The following ZNF516 variants were observed in gnomAD, a reference collection of about 807,000 sequenced individuals.
ZNF516 encodes zinc finger protein 516.
In ZNF516, 19 loss-of-function variants were observed where a neutral mutation model predicts 79.7. The ratio of observed to expected loss-of-function variants is 0.24; its 90% CI spans 0.17 to 0.35. The LOEUF (loss-of-function observed/expected upper bound fraction) is 0.35, where lower values mean the gene tolerates loss of function less well. Ranked by LOEUF, ZNF516 falls within the 10% of genes least tolerant of loss-of-function variation. The pLI, the probability that ZNF516 is intolerant of heterozygous loss-of-function variation, is 1.00. For missense variants in ZNF516, 1,678 were observed against 1,679.5 expected (o/e 1.00, Z 0.02); for synonymous variants, 877 against 739.5 (o/e 1.19, Z -3.02).
At chr18:76,479,888 G>C (rs544285057) in intron 1 of ZNF516, among the ~76,000 whole-genome samples, 5 of 152,282 alleles carry the variant, frequency 3.3e-5, no homozygotes, top group African/African-American at 1.2e-4. Flanking sequence ...TATTAAAAAA[G>C]AGCCCTTTCC....
intron 3 of ZNF516, among the ~76,000 whole-genome samples, chr18:76,417,335 G>A (rs1281311447): frequency 1.3e-5 from 2 of 152,118 alleles, no homozygotes; most frequent in African/African-American, 4.8e-5. Flanking sequence ...ATGAAAGCGT[G>A]GAAACCAAAG....
rs767748092 is a variant in ZNF516, at chr18:76,442,960, G to C, written c.95C>G (p.Thr32Ser). 19 of 1,608,394 alleles carry C rather than the reference G, an allele frequency of 1.2e-5. No homozygotes were observed. Among genetic ancestry groups the C allele is most frequent in the Non-Finnish European group, 1.7e-6 (2 of 1,179,788 alleles). ...GCCGCAGATGCAGCAGGTGTGGCAGGTAGCCTTGTCCCCATCCACCTCGTG... is the reference window on the plus strand; with the variant it reads ...GCCGCAGATGCAGCAGGTGTGGCAGCTAGCCTTGTCCCCATCCACCTCGTG... ...RGHEVDGDKA[T>S]CHTCCICGKS... is the part of the protein sequence containing the mutation. Residue 32 changes from threonine to serine, a missense_variant, in exon 3 of 7, where the codon ACC becomes AGC. By Grantham distance (58) the Thr-to-Ser change is moderately conservative. This residue lies in a region of ZNF516 where 62 missense variants were observed against 58.9 expected (regional missense o/e 1.05). Transcript: ENST00000443185.
intron 1 of ZNF516, among the ~76,000 whole-genome samples, chr18:76,472,366 G>T (rs896656478): frequency 5.3e-5 from 8 of 151,612 alleles, no homozygotes; most frequent in South Asian, 4.2e-4. Flanking sequence ...TTGCACATGT[G>T]TGTGTGCATT....
intron 2 of ZNF516, among the ~76,000 whole-genome samples, 188 bp from the exon 3 acceptor site, chr18:76,443,399 T>A (rs1433740278): frequency 6.6e-6 from 1 of 152,202 alleles, no homozygotes; most frequent in Non-Finnish European, 1.5e-5. Flanking sequence ...ATCACTTAAT[T>A]ATCAATAATG....
At chr18:76,476,801 C>T (rs1914199861) in intron 1 of ZNF516, among the ~76,000 whole-genome samples, 1 of 152,194 alleles carries the variant, frequency 6.6e-6, no homozygotes, top group South Asian at 2.1e-4. Context: ...AACTGAACAA[C>T]TATAAATTTC....
At chr18:76,448,016 A>AAC (rs1912163744) in intron 2 of ZNF516, among the ~76,000 whole-genome samples, 1 of 152,140 alleles carries the variant, frequency 6.6e-6, no homozygotes, top group African/African-American at 2.4e-5. Flanking sequence ...AAACTTAGGT[A>AAC]ACAATCACAT....
intron 1 of ZNF516, among the ~76,000 whole-genome samples, chr18:76,488,443 T>G (rs900250623): frequency 7.0e-6 from 1 of 142,738 alleles, no homozygotes. Flanking sequence ...CCCCGAGCAG[T>G]GAACAAACCC....
At chr18:76,439,645 T>A (rs2075788201) in intron 3 of ZNF516, among the ~76,000 whole-genome samples, 2 of 152,234 alleles carry the variant, frequency 1.3e-5, no homozygotes, top group Admixed American at 1.3e-4. Context: ...TCTTGATTTC[T>A]AAAAGCACTA....
chr18:76,408,313 C>T (rs990770188), intron 3 of ZNF516, among the ~76,000 whole-genome samples: 1 of 152,202 alleles, frequency 6.6e-6, no homozygotes, highest in African/African-American at 2.4e-5. Context: ...TGATCCTCAT[C>T]CAAGAGGTGC....
chr18:76,432,272 C>G (rs1297315948), intron 3 of ZNF516, among the ~76,000 whole-genome samples: 1 of 152,268 alleles, frequency 6.6e-6, no homozygotes, highest in Non-Finnish European at 1.5e-5. Flanking sequence ...TACCTGCTCA[C>G]CCCATAGGCC....
intron 1 of ZNF516, among the ~76,000 whole-genome samples, chr18:76,483,531 T>A (rs959645875): frequency 6.6e-6 from 1 of 152,238 alleles, no homozygotes; most frequent in East Asian, 1.9e-4. Context: ...CGCACCACAC[T>A]GAGAACCCAT....
intron 2 of ZNF516, among the ~76,000 whole-genome samples, chr18:76,443,750 G>A (rs1427634584): frequency 6.6e-6 from 1 of 152,226 alleles, no homozygotes; most frequent in East Asian, 1.9e-4. Context: ...TTTCGTCCCT[G>A]TGCAGACATC....
At chr18:76,495,058 C>T (rs1188854265) in intron 1 of ZNF516, 86 bp downstream of exon 1, 6 of 146,600 alleles carry the variant, frequency 4.1e-5, no homozygotes, top group South Asian at 2.2e-4. Flanking sequence ...CACCAGAGTA[C>T]GGGGCACGTC....
intron 1 of ZNF516, among the ~76,000 whole-genome samples, chr18:76,471,606 C>T (rs7505290): frequency 0.085 from 12,976 of 152,270 alleles, 615 homozygotes; most frequent in African/African-American, 0.14. Context: ...TGGAAACACT[C>T]CACACACGAC....
chr18:76,367,610 G>A (rs1281514844), intron 6 of ZNF516, among the ~76,000 whole-genome samples: 2 of 152,086 alleles, frequency 1.3e-5, no homozygotes, highest in Non-Finnish European at 2.9e-5. Context: ...CTTTAGGGAC[G>A]CCCATCCCTC....
At chr18:76,490,059 A>T (rs1318089143) in intron 1 of ZNF516, 1 of 539,010 alleles carries the variant, frequency 1.9e-6, no homozygotes, top group Middle Eastern at 9.4e-4. Context: ...CCTACTAATG[A>T]ATTAAGAAAA....
intron 2 of ZNF516, among the ~76,000 whole-genome samples, chr18:76,458,624 G>A (rs1467536759): frequency 1.5e-5 from 2 of 133,012 alleles, no homozygotes; most frequent in Admixed American, 7.2e-5. Context: ...AGGCCTCACC[G>A]TCGTGCGTGT....
chr18:76,403,416 T>C (rs1435235272), intron 3 of ZNF516, among the ~76,000 whole-genome samples: 4 of 152,130 alleles, frequency 2.6e-5, no homozygotes, highest in Non-Finnish European at 5.9e-5. Context: ...CATACAACTG[T>C]ACATGCACAG....
At chr18:76,476,912 C>T (rs1914207088) in intron 1 of ZNF516, among the ~76,000 whole-genome samples, 1 of 152,142 alleles carries the variant, frequency 6.6e-6, no homozygotes, top group Admixed American at 6.5e-5. Flanking sequence ...AAGAGAAGAA[C>T]CCACAGATGA....
Sources: gnomAD v4.1 joint callset for allele counts (sites outside exome capture counted in the v4.1 genomes callset) on GRCh38, gnomAD v4.1.1 for gene constraint, gnomAD v4.1.1 regional missense constraint, MANE v1.5 for transcripts, NCBI Gene and HGNC (gene_info 2026-07-23, HGNC 2026-07-21) for gene names.